The following SMAD2 variants were observed in gnomAD, a reference collection of about 807,000 sequenced individuals.
SMAD2 encodes the protein SMAD family member 2.
In SMAD2, 8 loss-of-function variants were observed where a neutral mutation model predicts 64.4. The ratio of observed to expected loss-of-function variants is 0.12; its 90% CI spans 0.07 to 0.22. The LOEUF is 0.22. SMAD2 is among the 10% of genes least tolerant of loss of function. The pLI, the probability that SMAD2 is intolerant of heterozygous loss-of-function variation, is 1.00. For missense variants in SMAD2, 289 were observed against 561.2 expected (o/e 0.51, Z 4.90); for synonymous variants, 203 against 195.8 (o/e 1.04, Z -0.31).
chr18:47,874,628 A>G (rs1446486361), intron 2 of SMAD2, among the ~76,000 whole-genome samples: 1 of 152,200 alleles, frequency 6.6e-6, no homozygotes, highest in Non-Finnish European at 1.5e-5. Context: ...ACAATTTAGC[A>G]TATGATGAAG....
intron 1 of SMAD2, among the ~76,000 whole-genome samples, chr18:47,906,658 A>G (rs1387879398): frequency 2.0e-5 from 3 of 152,212 alleles, no homozygotes; most frequent in Non-Finnish European, 2.9e-5. Context: ...AATCAGTTTC[A>G]ATGAACTACA....
chr18:47,918,629 A>C (rs949952228), intron 1 of SMAD2, among the ~76,000 whole-genome samples: 1 of 152,218 alleles, frequency 6.6e-6, no homozygotes, highest in Non-Finnish European at 1.5e-5. Context: ...GAGAAAGAAA[A>C]CATTTTTAAA....
chr18:47,843,557 A>T (rs886612363), intron 10 of SMAD2, among the ~76,000 whole-genome samples: 20 of 152,100 alleles, frequency 1.3e-4, no homozygotes, highest in Non-Finnish European at 2.5e-4. Flanking sequence ...AAGGAAATTT[A>T]AAAAAAATAG....
At chr18:47,863,746 T>C (rs1034145649) in intron 6 of SMAD2, among the ~76,000 whole-genome samples, 2 of 152,226 alleles carry the variant, frequency 1.3e-5, no homozygotes, top group African/African-American at 2.4e-5. Context: ...GAATAATGCC[T>C]GCATAAATGG....
At position 47,833,623 on chromosome 18, in the gene SMAD2, T is replaced by TAAGC. The variant is rs1276047357; in HGVS notation, c.*8200_*8203dup. On this transcript the variant is annotated 3_prime_UTR_variant, in exon 11 of 11. Transcript: ENST00000262160. Reference sequence around the variant, plus strand: ...CTCACGTGCTCAATGTTCTAGCTGGTAAGCACCTTATGAGTATGAGGCTAC... The same window carrying TAAGC: ...CTCACGTGCTCAATGTTCTAGCTGGTAAGCAAGCACCTTATGAGTATGAGGCTAC... The TAAGC allele has an allele frequency of 4.3e-6, 1 of 231,144 alleles. No individual in the cohort carries two copies. Among genetic ancestry groups the TAAGC allele is most frequent in the African/African-American group, 2.2e-5 (1 of 45,194 alleles). 14.3% of individuals were successfully genotyped at this position (231,144 alleles called of 1,614,324 possible).
At chr18:47,886,022 A>G (rs565183374) in intron 2 of SMAD2, among the ~76,000 whole-genome samples, 1 of 152,362 alleles carries the variant, frequency 6.6e-6, no homozygotes, top group Non-Finnish European at 1.5e-5. Flanking sequence ...TGCGAATACT[A>G]TGCCATTTTA....
At position 47,809,997 on chromosome 18, in the gene SMAD2, C is replaced by T. The variant is rs1182500420; in HGVS notation, c.*31830G>A. ...AAGCCATCCCAAAGAGGGCTGATATCGTCTGTTAAATGCTGTAATTACAGA... is the reference window on the plus strand; with the variant it reads ...AAGCCATCCCAAAGAGGGCTGATATTGTCTGTTAAATGCTGTAATTACAGA... On this transcript the variant is annotated 3_prime_UTR_variant, in exon 11 of 11. Transcript: ENST00000262160. 1.3e-5 allele frequency: 2 copies of T among 152,156 alleles called. No individual in the cohort carries two copies. Among genetic ancestry groups the T allele is most frequent in the East Asian group, 1.9e-4 (1 of 5,180 alleles). The allele number at this position is 152,156 out of a possible 1,614,324, so 9.4% of individuals were successfully genotyped here.
At chr18:47,897,234 A>C (rs1461951823) in intron 1 of SMAD2, among the ~76,000 whole-genome samples, 2 of 152,224 alleles carry the variant, frequency 1.3e-5, no homozygotes, top group African/African-American at 4.8e-5. Context: ...TTAAACTTTC[A>C]TAACTAATAG....
chr18:47,851,175 C>T, intron 7 of SMAD2, 99 bp downstream of exon 7: 1 of 870,972 alleles, frequency 1.1e-6, no homozygotes, highest in Non-Finnish European at 1.9e-6. Context: ...ATTAGGATCC[C>T]TTTCTCGGAT....
rs560658632 is a variant in SMAD2 at position 47,879,235 on chromosome 18, A to AC, written c.237-8672dup. 1.4e-4 allele frequency among the ~76,000 whole-genome samples: 21 copies of AC among 152,284 alleles called. No individual in the cohort carries two copies. The South Asian group carries it at 4.1e-3, about 30-fold the overall frequency. On this transcript the variant is annotated intron_variant, in intron 2 of 10. Coordinates refer to ENST00000262160, the MANE Select transcript of SMAD2 (RefSeq NM_005901.6). ...GTTAAATTTACACAGCATGAAACACACATCTTAATGGTACCATTTGAGTTT... is the reference window on the plus strand; with the variant it reads ...GTTAAATTTACACAGCATGAAACACACCATCTTAATGGTACCATTTGAGTTT...
At position 47,817,855 on chromosome 18, in the gene SMAD2, G is replaced by A. The variant is rs891460886; in HGVS notation, c.*23972C>T. The A allele has an allele frequency of 6.6e-6, 1 of 152,112 alleles. No individual in the cohort carries two copies. The highest frequency in any genetic ancestry group is 1.5e-5 in the Non-Finnish European group (1 of 68,024). 9.4% of individuals were successfully genotyped at this position (152,112 alleles called of 1,614,324 possible). A position where few individuals can be genotyped will look rare whatever the true frequency, so the allele number is the denominator to read the frequency against. On this transcript the variant is annotated 3_prime_UTR_variant, in exon 11 of 11. Coordinates refer to ENST00000262160, the MANE Select transcript of SMAD2 (RefSeq NM_005901.6). The stretch of plus-strand genomic sequence containing the variant: ...CTCTTTTAAAGCCACTAGGGCAATC[G>A]CCACCAGTTAAAACACTGGTCCAAA...
chr18:47,927,966 C>A (rs1409359499), intron 1 of SMAD2, among the ~76,000 whole-genome samples: 1 of 152,124 alleles, frequency 6.6e-6, no homozygotes, highest in Non-Finnish European at 1.5e-5. Context: ...GTTGTGAATT[C>A]CTTACGTTTC....
rs1355411402 is a variant in SMAD2 at position 47,869,183 on chromosome 18, AAT to A, written c.520+58_520+59del. 3.0e-5 allele frequency: 37 copies of A among 1,252,858 alleles called. No individual in the cohort carries two copies. In the African/African-American group the frequency reaches 4.4e-4, roughly 15 times the overall value. 77.6% of individuals were successfully genotyped at this position (1,252,858 alleles called of 1,614,324 possible). A position where few individuals can be genotyped will look rare whatever the true frequency, so the allele number is the denominator to read the frequency against. ...TTTTCCTGGGTCACAAGAGTACTTA[AAT>A]ATACTGAAGTTCAGGCATTTAATTC... is the stretch of plus-strand genomic sequence containing the variant. On this transcript the variant is annotated intron_variant, in intron 4 of 10. Coordinates refer to ENST00000262160, the MANE Select transcript of SMAD2 (RefSeq NM_005901.6).
chr18:47,888,288 G>C (rs2033013161), intron 2 of SMAD2, among the ~76,000 whole-genome samples: 1 of 152,106 alleles, frequency 6.6e-6, no homozygotes. Context: ...CAGCTTTCTA[G>C]GTGAACTGAC....
chr18:47,862,333 A>G (rs1165720526), intron 6 of SMAD2, among the ~76,000 whole-genome samples: 1 of 152,212 alleles, frequency 6.6e-6, no homozygotes, highest in African/African-American at 2.4e-5. Context: ...TTAAAACAAC[A>G]GAAATTTATT....
chr18:47,910,050 A>G (rs997434273), intron 1 of SMAD2, among the ~76,000 whole-genome samples: 1 of 152,168 alleles, frequency 6.6e-6, no homozygotes, highest in Non-Finnish European at 1.5e-5. Context: ...AGAAAAAACC[A>G]TGAAAGCCAT....
In SMAD2 at chr18:47,839,243, TA is replaced by T. The variant is rs1913719952; in HGVS notation, c.*2583del. On this transcript the variant is annotated 3_prime_UTR_variant, in exon 11 of 11. Coordinates refer to ENST00000262160, the MANE Select transcript of SMAD2 (RefSeq NM_005901.6). Reference sequence around the variant, plus strand: ...GATGCGCTCCACTACTGAAACAGCATAGTAGGCACTGCTTGACCTAACACAG... The same window carrying T: ...GATGCGCTCCACTACTGAAACAGCATGTAGGCACTGCTTGACCTAACACAG... 4.3e-6 allele frequency: 1 copy of T among 233,246 alleles called. No homozygotes were observed. Among genetic ancestry groups the T allele is most frequent in the South Asian group, 1.8e-4 (1 of 5,532 alleles). 14.4% of individuals were successfully genotyped at this position (233,246 alleles called of 1,614,324 possible).
chr18:47,884,736 C>T (rs939983927), intron 2 of SMAD2, among the ~76,000 whole-genome samples: 1 of 152,118 alleles, frequency 6.6e-6, no homozygotes, highest in African/African-American at 2.4e-5. Flanking sequence ...CTTCCATAAT[C>T]ACACTCCTGT....
rs562409526 is a variant in SMAD2, at chr18:47,848,118, AC to A, written c.997+356del. ...AGCTATATAAAGAAACTGAAAAAAA[AC>A]AAAAACAAAACAAAACAAAAAAACA... On this transcript the variant is annotated intron_variant, in intron 8 of 10. Transcript: ENST00000262160. Among the ~76,000 whole-genome samples the A allele has an allele frequency of 9.2e-5, 14 of 152,146 alleles. No individual in the cohort carries two copies. The South Asian group carries it at 2.9e-3, about 32-fold the overall frequency.
Sources: gnomAD v4.1 joint callset for allele counts (sites outside exome capture counted in the v4.1 genomes callset) on GRCh38, gnomAD v4.1.1 for gene constraint, MANE v1.5 for transcripts, NCBI Gene and HGNC (gene_info 2026-07-23, HGNC 2026-07-21) for gene names.